The following HSF2BP variants were observed in gnomAD, a reference collection of about 807,000 sequenced individuals.
HSF2BP encodes heat shock factor 2-binding protein.
A neutral mutation model predicts 35.0 loss-of-function variants in HSF2BP; 35 were observed. The ratio of observed to expected loss-of-function variants is 1.00; its 90% confidence interval spans 0.76 to 1.32. HSF2BP has a LOEUF of 1.32. HSF2BP is among the 40% of genes most tolerant of loss of function. The pLI is 0.00. For missense variants in HSF2BP, 326 were observed against 321.7 expected (o/e 1.01, Z -0.10); for synonymous variants, 114 against 117.4 (o/e 0.97, Z 0.18).
intron 8 of HSF2BP, among the ~76,000 whole-genome samples, chr21:43,574,381 G>T (rs942958869): frequency 2.0e-5 from 3 of 150,010 alleles, no homozygotes; most frequent in Non-Finnish European, 3.0e-5. Flanking sequence ...TTTTTGAGAC[G>T]GAGTCTCGCT....
At chr21:43,593,169 G>A (rs982772789) in intron 7 of HSF2BP, among the ~76,000 whole-genome samples, 1 of 152,132 alleles carries the variant, frequency 6.6e-6, no homozygotes, top group Non-Finnish European at 1.5e-5. Flanking sequence ...GTGGCTTCAC[G>A]CAGAGGGACC....
In HSF2BP at chr21:43,632,147, A is replaced by ACT. The variant is rs377403086; in HGVS notation, c.441+1124_441+1125insAG. On this transcript the variant is annotated intron_variant, in intron 5 of 8. Coordinates refer to ENST00000291560, the MANE Select transcript of HSF2BP (RefSeq NM_007031.2). ...CAAACACACACACGCTCCCACACAC[A>ACT]CACTCACACAGTCTCACACACACAC... 4.7e-3 allele frequency among the ~76,000 whole-genome samples: 261 copies of ACT among 55,408 alleles called. 5 individuals carry two copies. Among genetic ancestry groups the ACT allele is most frequent in the African/African-American group, 0.025 (240 of 9,460 alleles). The allele number at this position is 55,408 out of a possible 152,430, so 36.3% of individuals were successfully genotyped here.
chr21:43,653,151 A>G (rs2082813961), intron 3 of HSF2BP, among the ~76,000 whole-genome samples: 1 of 145,028 alleles, frequency 6.9e-6, no homozygotes, highest in Non-Finnish European at 1.5e-5. Context: ...GAAAGAGAGA[A>G]AGAGAGACAC....
rs1568949736 is a variant in HSF2BP, at chr21:43,658,111, CCGCTCCGTT to C, written c.-24_-16del. 1 of 1,528,482 alleles carries C rather than the reference CCGCTCCGTT, an allele frequency of 6.5e-7. No homozygotes were observed. The highest frequency in any genetic ancestry group is 8.8e-7 in the Non-Finnish European group (1 of 1,141,936). The allele number at this position is 1,528,482 out of a possible 1,614,324, so 94.7% of individuals were successfully genotyped here. The stretch of plus-strand genomic sequence containing the variant: ...GCTTCGCCCATGGCCGCTGCCGCCT[CCGCTCCGTT>C]CGCCTGAGCGTCGGCGCGCCCTCTG... On this transcript the variant is annotated 5_prime_UTR_variant, in exon 2 of 9. Transcript: ENST00000291560.
chr21:43,627,117 C>T (rs1380217640), intron 6 of HSF2BP, among the ~76,000 whole-genome samples: 6 of 152,182 alleles, frequency 3.9e-5, no homozygotes, highest in Non-Finnish European at 5.9e-5. Flanking sequence ...ATGATCCACC[C>T]GCCTCAAGCC....
chr21:43,612,544 G>A (rs955302110), intron 7 of HSF2BP, among the ~76,000 whole-genome samples: 3 of 150,670 alleles, frequency 2.0e-5, no homozygotes, highest in African/African-American at 7.3e-5. Context: ...CCAGCTACTT[G>A]GAAGGCTGAG....
chr21:43,609,092 G>C (rs79706899), intron 7 of HSF2BP, among the ~76,000 whole-genome samples: 1,958 of 152,356 alleles, frequency 0.013, 43 homozygotes, highest in African/African-American at 0.043. Context: ...TTCGCAGCCA[G>C]AAAGAAAGAC....
chr21:43,633,269 T>C lies in HSF2BP; in HGVS notation c.441+3A>G, dbSNP rs376604158. On this transcript the variant is annotated splice_donor_region_variant and intron_variant, in intron 5 of 8. Coordinates refer to ENST00000291560, the MANE Select transcript of HSF2BP (RefSeq NM_007031.2). ...ATCTGGAGAGCCCACTGACCATACT[T>C]ACTCCTCCCAAAATGGCCTTGACGA... 300 of 1,611,360 alleles carry C rather than the reference T, an allele frequency of 1.9e-4. No individual in the cohort carries two copies. The highest frequency in any genetic ancestry group is 1.6e-4 in the Middle Eastern group (1 of 6,072).
intron 7 of HSF2BP, among the ~76,000 whole-genome samples, chr21:43,608,410 C>T (rs934062050): frequency 4.6e-5 from 7 of 152,116 alleles, no homozygotes; most frequent in Admixed American, 3.9e-4. Flanking sequence ...TACTATCTCA[C>T]ACCAGTCAAA....
chr21:43,631,310 C>A lies in HSF2BP; in HGVS notation c.442-856G>T, dbSNP rs1402697185. On this transcript the variant is annotated intron_variant, in intron 5 of 8. Transcript: ENST00000291560. ...CATTTCCAGTCATGATCACGCCATG[C>A]TCCCAGAGTCAAACACCGATCTTTT... is the stretch of plus-strand genomic sequence containing the variant. 2.0e-5 allele frequency among the ~76,000 whole-genome samples: 3 copies of A among 152,296 alleles called. No homozygotes were observed. In the East Asian group the frequency reaches 5.8e-4, roughly 29 times the overall value.
At chr21:43,601,135 G>GGAAAACGTTCTCTGGAGTACACATGCA in intron 7 of HSF2BP, among the ~76,000 whole-genome samples, 1 of 152,248 alleles carries the variant, frequency 6.6e-6, no homozygotes, top group East Asian at 1.9e-4. Flanking sequence ...GGTATCCTAT[G>GGAAAACGTTCTCTGGAGTACACATGCA]GAAAACGTTC....
At chr21:43,654,675 A>C (rs1442516319) in intron 3 of HSF2BP, among the ~76,000 whole-genome samples, 1 of 152,186 alleles carries the variant, frequency 6.6e-6, no homozygotes, top group East Asian at 1.9e-4. Context: ...ATTTGAAATA[A>C]TCATGAAACA....
At chr21:43,653,878 G>A (rs998935586) in intron 3 of HSF2BP, among the ~76,000 whole-genome samples, 5 of 152,182 alleles carry the variant, frequency 3.3e-5, no homozygotes, top group Admixed American at 3.3e-4. Flanking sequence ...GGTTTCATGC[G>A]GAGTAGTGAG....
At chr21:43,602,211 G>C (rs2082060563) in intron 7 of HSF2BP, among the ~76,000 whole-genome samples, 1 of 152,182 alleles carries the variant, frequency 6.6e-6, no homozygotes, top group African/African-American at 2.4e-5. Context: ...AAGCTTCACA[G>C]CTTCCTCTCC....
rs541081140 is a variant in HSF2BP at position 43,639,418 on chromosome 21, T to G, written c.291+4871A>C. 2.0e-5 allele frequency among the ~76,000 whole-genome samples: 3 copies of G among 152,202 alleles called. No homozygotes were observed. In the South Asian group the frequency reaches 6.2e-4, roughly 32 times the overall value. On this transcript the variant is annotated intron_variant, in intron 4 of 8. Transcript: ENST00000291560. ...ACATATACTCAGCAAAGGACTTCTATCTAGAATATATCAAGAGCTCAAACG... is the reference window on the plus strand; with the variant it reads ...ACATATACTCAGCAAAGGACTTCTAGCTAGAATATATCAAGAGCTCAAACG...
chr21:43,643,701 G>A (rs987835869), intron 4 of HSF2BP, among the ~76,000 whole-genome samples: 2 of 152,208 alleles, frequency 1.3e-5, no homozygotes, highest in African/African-American at 4.8e-5. Flanking sequence ...GCTCACGCCT[G>A]TAATCCCAGC....
At chr21:43,627,701 G>A (rs2082406390) in intron 6 of HSF2BP, among the ~76,000 whole-genome samples, 1 of 152,154 alleles carries the variant, frequency 6.6e-6, no homozygotes, top group African/African-American at 2.4e-5. Flanking sequence ...CACTACAGCT[G>A]AAAAGAATTA....
At chr21:43,602,828 C>A (rs941298912) in intron 7 of HSF2BP, among the ~76,000 whole-genome samples, 1 of 152,158 alleles carries the variant, frequency 6.6e-6, no homozygotes, top group Non-Finnish European at 1.5e-5. Context: ...AACCAAGTGA[C>A]CATTCAGGAA....
intron 7 of HSF2BP, among the ~76,000 whole-genome samples, chr21:43,596,904 A>AAAAAAAAAGAG (rs1555859800): frequency 7.4e-6 from 1 of 136,016 alleles, no homozygotes; most frequent in South Asian, 2.3e-4. Context: ...AAAAAAAAAA[A>AAAAAAAAAGAG]AGAGAATTTT....
Sources: allele counts gnomAD v4.1 joint callset (sites outside exome capture counted in the v4.1 genomes callset), GRCh38; gene constraint gnomAD v4.1.1; transcripts MANE v1.5; gene names NCBI Gene and HGNC (gene_info 2026-07-23, HGNC 2026-07-21).